CDH4: variants seen among roughly 807,000 people sequenced by gnomAD.
The protein encoded by CDH4 is cadherin-4.
A neutral mutation model predicts 86.0 loss-of-function variants in CDH4; 33 were observed. The ratio of observed to expected loss-of-function variants is 0.38; its 90% CI spans 0.29 to 0.51. The LOEUF is 0.51. CDH4 is among the 20% of genes least tolerant of loss of function. The pLI is 0.86. For missense variants in CDH4, 1,114 were observed against 1,307.4 expected (o/e 0.85, Z 2.28); for synonymous variants, 555 against 549.4 (o/e 1.01, Z -0.14).
chr20:61,302,236 A>T (rs1450280586), intron 2 of CDH4, among the ~76,000 whole-genome samples: 1 of 152,076 alleles, frequency 6.6e-6, no homozygotes. Context: ...AGGGCCAGGG[A>T]GCTGCTTTGG....
At position 61,377,921 on chromosome 20, in the gene CDH4, G is replaced by A. The variant is rs117683461; in HGVS notation, c.169+122984G>A. On this transcript the variant is annotated intron_variant, in intron 2 of 15. Coordinates refer to ENST00000614565, the MANE Select transcript of CDH4 (RefSeq NM_001794.5). The surrounding 1 kb of genome is among the most constrained non-coding windows in gnomAD (Gnocchi z 4.0). ...TTCATGTGCCGTGATGTTGACTCACGTGATCTGGATAAATGACTTAGGAAA... is the reference window on the plus strand; with the variant it reads ...TTCATGTGCCGTGATGTTGACTCACATGATCTGGATAAATGACTTAGGAAA... Among the ~76,000 whole-genome samples, 262 of 152,330 alleles carry A rather than the reference G, an allele frequency of 1.7e-3. No individual in the cohort carries two copies. Among genetic ancestry groups the A allele is most frequent in the Non-Finnish European group, 3.1e-3 (210 of 68,030 alleles).
intron 2 of CDH4, among the ~76,000 whole-genome samples, chr20:61,668,529 G>T (rs2087352090): frequency 6.6e-6 from 1 of 152,228 alleles, no homozygotes; most frequent in Admixed American, 6.5e-5. Context: ...ATGCTGTGGA[G>T]TCTGATGGTG....
chr20:61,383,805 A>G (rs1244801206), intron 2 of CDH4, among the ~76,000 whole-genome samples: 1 of 129,334 alleles, frequency 7.7e-6, no homozygotes, highest in East Asian at 2.1e-4. Context: ...ATGCATATAT[A>G]TGAAGATATA....
At chr20:61,805,751 G>A (rs1162439540) in intron 4 of CDH4, among the ~76,000 whole-genome samples, 2 of 152,252 alleles carry the variant, frequency 1.3e-5, no homozygotes, top group African/African-American at 4.8e-5. Context: ...AACAAACTCA[G>A]GGAGGGGCCC....
intron 2 of CDH4, among the ~76,000 whole-genome samples, chr20:61,673,594 G>A (rs2087413968): frequency 6.6e-6 from 1 of 152,218 alleles, no homozygotes; most frequent in African/African-American, 2.4e-5. Flanking sequence ...CACGTGTCCA[G>A]GGCCCAGAAG....
At chr20:61,383,265 A>AT (rs2084917835) in intron 2 of CDH4, among the ~76,000 whole-genome samples, 1 of 66,064 alleles carries the variant, frequency 1.5e-5, no homozygotes, top group Admixed American at 1.6e-4. Context: ...AATATATGTG[A>AT]TATATATGAA....
intron 4 of CDH4, among the ~76,000 whole-genome samples, chr20:61,792,296 A>G (rs1201513090): frequency 2.6e-5 from 4 of 152,102 alleles, no homozygotes; most frequent in Admixed American, 6.5e-5. Flanking sequence ...CAGCATCCCC[A>G]CTGCTCAGGA....
chr20:61,726,793 A>G (rs1436195564), intron 2 of CDH4, among the ~76,000 whole-genome samples: 1 of 149,746 alleles, frequency 6.7e-6, no homozygotes, highest in African/African-American at 2.5e-5. Context: ...CATCGTCACC[A>G]TTGGTGCCAT....
At chr20:61,272,555 C>T (rs2084188822) in intron 2 of CDH4, among the ~76,000 whole-genome samples, 2 of 152,158 alleles carry the variant, frequency 1.3e-5, no homozygotes, top group African/African-American at 4.8e-5. Context: ...ACTTTTGTTG[C>T]TGGAAAATGG....
At chr20:61,565,092 T>TTGG in intron 2 of CDH4, among the ~76,000 whole-genome samples, 1 of 63,878 alleles carries the variant, frequency 1.6e-5, no homozygotes, top group Non-Finnish European at 3.0e-5. Context: ...GGTGGTGCTC[T>TTGG]TGGTGGTGCT....
intron 2 of CDH4, among the ~76,000 whole-genome samples, chr20:61,352,727 G>T (rs892394067): frequency 6.6e-6 from 1 of 152,076 alleles, no homozygotes; most frequent in East Asian, 1.9e-4. Context: ...GTTTGCAGGC[G>T]TTGTTTTCCT....
intron 2 of CDH4, among the ~76,000 whole-genome samples, chr20:61,619,033 C>T (rs547801074): frequency 1.7e-4 from 26 of 152,348 alleles, no homozygotes; most frequent in Non-Finnish European, 3.2e-4. Context: ...TCCAGAGCAG[C>T]AAGTCTTGGC....
intron 2 of CDH4, among the ~76,000 whole-genome samples, chr20:61,455,089 C>G (rs1216037659): frequency 2.6e-5 from 4 of 152,156 alleles, no homozygotes; most frequent in Non-Finnish European, 5.9e-5. Context: ...CCAAAAAGTT[C>G]TATGTAATTT....
Position 61,811,734 on chromosome 20 carries a change from C to T in CDH4, c.577-32934C>T, listed in dbSNP as rs1223826226. ...ACCCCCAGGCTGGAGTGCAGTGCCA[C>T]GATCTCCACTCACTGCAACCTCTGC... On this transcript the variant is annotated intron_variant, in intron 4 of 15. Coordinates refer to ENST00000614565, the MANE Select transcript of CDH4 (RefSeq NM_001794.5). This position sits in a 1 kb window ranked among gnomAD's most constrained non-coding sequence, Gnocchi z 4.4. Among the ~76,000 whole-genome samples, 1 of 149,732 alleles carries T rather than the reference C, an allele frequency of 6.7e-6. No individual in the cohort carries two copies. Among genetic ancestry groups the T allele is most frequent in the Non-Finnish European group, 1.5e-5 (1 of 67,538 alleles).
intron 5 of CDH4, 24 bp from the exon 6 acceptor site, chr20:61,852,730 G>T: frequency 3.1e-6 from 5 of 1,605,346 alleles, no homozygotes; most frequent in Non-Finnish European, 4.3e-6. Flanking sequence ...CCGCCACTGG[G>T]CCCTGTCTCT....
At chr20:61,297,362 C>G (rs2084361320) in intron 2 of CDH4, among the ~76,000 whole-genome samples, 1 of 152,176 alleles carries the variant, frequency 6.6e-6, no homozygotes, top group Non-Finnish European at 1.5e-5. Flanking sequence ...GTACTCCAGC[C>G]TGGACGACAA....
At chr20:61,555,130 C>T (rs2086167662) in intron 2 of CDH4, among the ~76,000 whole-genome samples, 1 of 152,094 alleles carries the variant, frequency 6.6e-6, no homozygotes, top group South Asian at 2.1e-4. Flanking sequence ...TGTATGTGAA[C>T]ATAGGCGTGT....
rs1227417928 is a variant in CDH4 at position 61,777,667 on chromosome 20, G to T, written c.576+4485G>T. Among the ~76,000 whole-genome samples the T allele has an allele frequency of 2.0e-5, 2 of 100,486 alleles. 1 individual carries two copies. The highest frequency in any genetic ancestry group is 6.0e-4 in the East Asian group (2 of 3,322). 65.9% of individuals were successfully genotyped at this position (100,486 alleles called of 152,430 possible). A position where few individuals can be genotyped will look rare whatever the true frequency, so the allele number is the denominator to read the frequency against. On this transcript the variant is annotated intron_variant, in intron 4 of 15. Coordinates refer to ENST00000614565, the MANE Select transcript of CDH4 (RefSeq NM_001794.5). ...ACACACGCACACACGTGCATACAAA[G>T]ACACACACCCATACGCGCACACACG...
intron 2 of CDH4, among the ~76,000 whole-genome samples, chr20:61,475,042 T>C (rs1257184431): frequency 2.0e-5 from 3 of 152,226 alleles, no homozygotes; most frequent in African/African-American, 2.4e-5. Flanking sequence ...CAGTTTTGAT[T>C]TGTGATGCCT....
Sources: allele counts gnomAD v4.1 joint callset (sites outside exome capture counted in the v4.1 genomes callset), GRCh38; gene constraint gnomAD v4.1.1; non-coding constraint Gnocchi (gnomAD v3.1); transcripts MANE v1.5; gene names NCBI Gene and HGNC (gene_info 2026-07-23, HGNC 2026-07-21).